The following FNIP2 variants were observed in gnomAD, a reference collection of about 807,000 sequenced individuals.
FNIP2 encodes folliculin interacting protein 2.
A neutral mutation model predicts 108.7 loss-of-function variants in FNIP2; 32 were observed. The ratio of observed to expected loss-of-function variants is 0.29; its 90% confidence interval spans 0.22 to 0.40. The LOEUF (loss-of-function observed/expected upper bound fraction) is 0.40. Ranked by LOEUF, FNIP2 falls within the 10% of genes least tolerant of loss-of-function variation. The pLI is 1.00. For missense variants in FNIP2, 1,202 were observed against 1,381.6 expected (o/e 0.87, Z 2.06); for synonymous variants, 480 against 496.7 (o/e 0.97, Z 0.45).
chr4:158,872,379 A>G (rs1781001495), intron 14 of FNIP2: 1 of 985,208 alleles, frequency 1.0e-6, no homozygotes, highest in South Asian at 4.7e-5. Flanking sequence ...AACCATGTTT[A>G]CTCTGTCATT....
chr4:158,880,958 G>T (rs769321019), intron 14 of FNIP2, among the ~76,000 whole-genome samples: 20 of 152,120 alleles, frequency 1.3e-4, no homozygotes, highest in Non-Finnish European at 1.8e-4. Flanking sequence ...CATTCATCAT[G>T]AGCTCTTTGC....
chr4:158,882,375 G>A (rs1781716560), intron 14 of FNIP2, among the ~76,000 whole-genome samples: 1 of 151,278 alleles, frequency 6.6e-6, no homozygotes, highest in Non-Finnish European at 1.5e-5. Context: ...GTCCGGGAGG[G>A]AGGTGGGGGG....
At position 158,769,114 on chromosome 4, in the gene FNIP2, CGCCGCCGCGATGGCCCCGCCACCGCG is replaced by C. The variant is rs1024329280; in HGVS notation, c.-90_-65del. The C allele has an allele frequency of 2.2e-5, 8 of 357,282 alleles. No homozygotes were observed. Among genetic ancestry groups the C allele is most frequent in the Admixed American group, 6.7e-5 (1 of 14,976 alleles). 22.1% of individuals were successfully genotyped at this position (357,282 alleles called of 1,614,324 possible). On this transcript the variant is annotated 5_prime_UTR_variant, in exon 1 of 17. It removes an upstream start codon present in the reference 5' UTR. Transcript: ENST00000264433. ...GCGCTCCCGCAAGGCTGGGCGGCCGCGCCGCCGCGATGGCCCCGCCACCGCGGCCGCCGCCCCCGGCTGCGCGCTGA... is the reference window on the plus strand; with the variant it reads ...GCGCTCCCGCAAGGCTGGGCGGCCGCGCCGCCGCCCCCGGCTGCGCGCTGA...
chr4:158,839,577 C>T (rs28424118), intron 7 of FNIP2, among the ~76,000 whole-genome samples: 8,684 of 151,934 alleles, frequency 0.057, 647 homozygotes, highest in African/African-American at 0.18. Flanking sequence ...TATGTTGCCC[C>T]GGCTGGTCTC....
intron 3 of FNIP2, among the ~76,000 whole-genome samples, chr4:158,831,513 A>G (rs10517696): frequency 0.29 from 44,288 of 152,144 alleles, 7,189 homozygotes; most frequent in Non-Finnish European, 0.38. Context: ...TAGTACCAAG[A>G]GAAGAGTTAC....
chr4:158,784,526 A>G (rs563139582), intron 1 of FNIP2, among the ~76,000 whole-genome samples: 33 of 152,236 alleles, frequency 2.2e-4, no homozygotes, highest in Non-Finnish European at 3.7e-4. Context: ...TAACTATACA[A>G]CTCACCAAAT....
chr4:158,866,668 C>T (rs950078662), intron 12 of FNIP2, among the ~76,000 whole-genome samples: 12 of 152,102 alleles, frequency 7.9e-5, no homozygotes, highest in African/African-American at 2.9e-4. Context: ...GTCTGCCTCC[C>T]GGGTTCAAGT....
intron 8 of FNIP2, 112 bp from the exon 9 acceptor site, chr4:158,858,945 G>C: frequency 1.2e-6 from 1 of 809,638 alleles, no homozygotes; most frequent in Non-Finnish European, 2.0e-6. Context: ...TAAAGGCAGA[G>C]ATACTCTTAG....
chr4:158,861,815 T>A (rs1560810088), intron 12 of FNIP2, 39 bp downstream of exon 12: 2 of 1,602,942 alleles, frequency 1.2e-6, no homozygotes, highest in Non-Finnish European at 1.7e-6. Context: ...ATATATGGGA[T>A]GGAATAGGAA....
chr4:158,792,695 G>A (rs1776461515), intron 1 of FNIP2, among the ~76,000 whole-genome samples: 1 of 152,172 alleles, frequency 6.6e-6, no homozygotes, highest in African/African-American at 2.4e-5. Flanking sequence ...CCCCCTAGAA[G>A]CAGTGGTTCG....
chr4:158,807,224 A>G (rs1777018860), intron 1 of FNIP2, among the ~76,000 whole-genome samples: 1 of 152,206 alleles, frequency 6.6e-6, no homozygotes, highest in South Asian at 2.1e-4. Flanking sequence ...TAACTTGGGC[A>G]TGGTGGCTTA....
At chr4:158,774,911 T>G (rs931109545) in intron 1 of FNIP2, among the ~76,000 whole-genome samples, 1 of 152,244 alleles carries the variant, frequency 6.6e-6, no homozygotes, top group Non-Finnish European at 1.5e-5. Flanking sequence ...TGTTGTATTA[T>G]GCATTATTAT....
chr4:158,777,236 G>A (rs975210748), intron 1 of FNIP2, among the ~76,000 whole-genome samples: 1 of 152,148 alleles, frequency 6.6e-6, no homozygotes, highest in African/African-American at 2.4e-5. Flanking sequence ...TTCTTGTATG[G>A]CTTGGTAAAA....
At chr4:158,785,923 G>A (rs1292742278) in intron 1 of FNIP2, among the ~76,000 whole-genome samples, 2 of 152,084 alleles carry the variant, frequency 1.3e-5, no homozygotes, top group East Asian at 1.9e-4. Flanking sequence ...CCCAGCTGAC[G>A]TCTCTCTTTA....
rs190644085 is a variant in FNIP2 at position 158,845,187 on chromosome 4, A to G, written c.728-6134A>G. On this transcript the variant is annotated intron_variant, in intron 7 of 16. Transcript: ENST00000264433. Reference sequence around the variant, plus strand: ...TAAAAATATTAAGGAACATTTAGATATAGCACTTTTGAAACTGAAACTGAG... The same window carrying G: ...TAAAAATATTAAGGAACATTTAGATGTAGCACTTTTGAAACTGAAACTGAG... 4.7e-3 allele frequency among the ~76,000 whole-genome samples: 723 copies of G among 152,376 alleles called. 3 individuals are homozygous for G. The Middle Eastern group carries it at 0.051, about 11-fold the overall frequency.
At chr4:158,790,021 T>TG (rs1349172035) in intron 1 of FNIP2, among the ~76,000 whole-genome samples, 1 of 152,092 alleles carries the variant, frequency 6.6e-6, no homozygotes, top group Non-Finnish European at 1.5e-5. Flanking sequence ...CCTGACCTTA[T>TG]GGGTCACGGT....
intron 14 of FNIP2, among the ~76,000 whole-genome samples, chr4:158,885,838 C>CT (rs755584159): frequency 6.6e-6 from 1 of 152,230 alleles, no homozygotes; most frequent in Non-Finnish European, 1.5e-5. Context: ...AGAGCCCTTG[C>CT]TGTCATCTTA....
Position 158,871,663 on chromosome 4 carries a change from A to T in FNIP2, c.2949+1194A>T, listed in dbSNP as rs1010310332. 5.1e-6 allele frequency: 5 copies of T among 984,984 alleles called. No homozygotes were observed. In the Admixed American group the frequency reaches 2.5e-4, roughly 49 times the overall value. 61.0% of individuals were successfully genotyped at this position (984,984 alleles called of 1,614,324 possible). Reference sequence around the variant, plus strand: ...TGTGTGGCCAAACGTTCCTAACCCCACCCCTGCTTTGTGGTCACATGCCAC... The same window carrying T: ...TGTGTGGCCAAACGTTCCTAACCCCTCCCCTGCTTTGTGGTCACATGCCAC... On this transcript the variant is annotated intron_variant, in intron 14 of 16. Coordinates refer to ENST00000264433, the MANE Select transcript of FNIP2 (RefSeq NM_020840.3).
At chr4:158,826,147 G>A (rs1778143525) in intron 2 of FNIP2, 105 bp downstream of exon 2, 2 of 1,412,792 alleles carry the variant, frequency 1.4e-6, no homozygotes. Flanking sequence ...ATATTATACA[G>A]TGCCATTAAT....
Sources: allele counts gnomAD v4.1 joint callset (sites outside exome capture counted in the v4.1 genomes callset), GRCh38; gene constraint gnomAD v4.1.1; transcripts MANE v1.5; gene names NCBI Gene and HGNC (gene_info 2026-07-23, HGNC 2026-07-21).